Variants in GGT1 observed in about 807,000 individuals in gnomAD.
GGT1 encodes the protein glutathione hydrolase 1 proenzyme.
Under a neutral mutation model 56.0 loss-of-function variants are expected in GGT1, and 21 were observed. That is an observed-to-expected ratio of 0.38 (90% CI 0.27 to 0.54). The LOEUF is 0.54. Ranked by LOEUF, GGT1 falls within the 20% of genes least tolerant of loss-of-function variation. GGT1 has a pLI of 0.82. For synonymous variants in GGT1, 238 were observed against 342.6 expected (o/e 0.69, Z 3.37); for missense variants, 466 against 787.0 (o/e 0.59, Z 4.88).
In GGT1 at chr22:24,607,122, C is replaced by T. The variant is rs3895578; in HGVS notation, c.-428-832C>T. Among the ~76,000 whole-genome samples the T allele has an allele frequency of 9.2e-5, 14 of 152,314 alleles. No homozygotes were observed. In the South Asian group the frequency reaches 2.7e-3, roughly 29 times the overall value. ...GCTGGGCTCTGTGAGCTTGGGCCAG[C>T]TCAGGCCCTCTCTGGGCCCTGCCTT... is the stretch of plus-strand genomic sequence containing the variant. On this transcript the variant is annotated intron_variant, in intron 1 of 15. Coordinates refer to ENST00000400382, the MANE Select transcript of GGT1 (RefSeq NM_001288833.2).
At chr22:24,592,833 A>C, upstream of GGT1, 2 of 1,270,504 alleles carry the variant, frequency 1.6e-6, no homozygotes, top group South Asian at 4.7e-5. Context: ...CCTGGCCGCC[A>C]GCCCAGGGGC....
In GGT1 at chr22:24,610,280, A is replaced by C. The variant is rs2046575332; in HGVS notation, c.-259A>C. 3.3e-6 allele frequency: 1 copy of C among 302,318 alleles called. No individual in the cohort carries two copies. Among genetic ancestry groups the C allele is most frequent in the Admixed American group, 4.4e-5 (1 of 22,772 alleles). The allele number at this position is 302,318 out of a possible 1,614,324, so 18.7% of individuals were successfully genotyped here. A position where few individuals can be genotyped will look rare whatever the true frequency, so the allele number is the denominator to read the frequency against. Reference sequence around the variant, plus strand: ...AACTGGAGACAGAGAAACCAGCTAGAGGCAGAGGGAGGTAACACGGAGTCC... The same window carrying C: ...AACTGGAGACAGAGAAACCAGCTAGCGGCAGAGGGAGGTAACACGGAGTCC... On this transcript the variant is annotated 5_prime_UTR_variant, in exon 4 of 16. Transcript: ENST00000400382.
chr22:24,586,004 T>A, the GGT1 span: 1 of 1,610,848 alleles, frequency 6.2e-7, no homozygotes, highest in African/African-American at 1.3e-5. Flanking sequence ...CAGGCCCTCG[T>A]AGATGGTGGG....
intron 5 of GGT1, among the ~76,000 whole-genome samples, chr22:24,614,348 CAAAAAAAAAAAAAAAAA>C (rs534749815): frequency 9.3e-5 from 1 of 10,734 alleles, no homozygotes; most frequent in Non-Finnish European, 2.4e-4. Context: ...GACTTTGTCT[CAAAAAAAAAAAAAAAAA>C]AAAAAAAAAA....
the GGT1 span, among the ~76,000 whole-genome samples, chr22:24,584,152 G>A: frequency 6.6e-6 from 1 of 152,176 alleles, no homozygotes; most frequent in Non-Finnish European, 1.5e-5. Context: ...AGGGGCATAG[G>A]GAAACACTTC....
chr22:24,592,805 C>A (rs1056210020), upstream of GGT1: 16 of 1,249,196 alleles, frequency 1.3e-5, no homozygotes, highest in Non-Finnish European at 1.6e-5. Context: ...TCCCAGACCC[C>A]CAGACCCCCA....
Position 24,610,363 on chromosome 22 carries a change from C to A in GGT1, c.-176C>A, listed in dbSNP as rs888589498. On this transcript the variant is annotated 5_prime_UTR_variant, in exon 4 of 16. Coordinates refer to ENST00000400382, the MANE Select transcript of GGT1 (RefSeq NM_001288833.2). Reference sequence around the variant, plus strand: ...TAACCTCCCTTGACCTTCAGGAGAACGAGAAGGCTGCCTGATCAGAGAGTC... The same window carrying A: ...TAACCTCCCTTGACCTTCAGGAGAAAGAGAAGGCTGCCTGATCAGAGAGTC... The A allele has an allele frequency of 4.7e-6, 1 of 210,864 alleles. No individual in the cohort carries two copies. Among genetic ancestry groups the A allele is most frequent in the Non-Finnish European group, 9.7e-6 (1 of 103,094 alleles). 13.1% of individuals were successfully genotyped at this position (210,864 alleles called of 1,614,324 possible).
upstream of GGT1, chr22:24,592,358 T>C (rs1569039294): frequency 1.1e-5 from 5 of 470,768 alleles, 1 homozygote; most frequent in South Asian, 7.7e-5. Context: ...CATGGTGTCT[T>C]GGGGTGAGGC....
rs2047373447 is a variant in GGT1, at chr22:24,620,834, TC to T, written c.576-77del. 1 of 1,573,016 alleles carries T rather than the reference TC, an allele frequency of 6.4e-7. No individual in the cohort carries two copies. Among genetic ancestry groups the T allele is most frequent in the Admixed American group, 1.8e-5 (1 of 56,078 alleles). On this transcript the variant is annotated intron_variant, in intron 8 of 15. Coordinates refer to ENST00000400382, the MANE Select transcript of GGT1 (RefSeq NM_001288833.2). The surrounding 1 kb of genome is among the most constrained non-coding windows in gnomAD (Gnocchi z 5.6). Reference sequence around the variant, plus strand: ...GCGCTGCCCCTGTTCTGCTCCGTTCTCCTGTGTGGACGGGTGTGAGGGGTGG... The same window carrying T: ...GCGCTGCCCCTGTTCTGCTCCGTTCTCTGTGTGGACGGGTGTGAGGGGTGG...
intron 1 of GGT1, among the ~76,000 whole-genome samples, chr22:24,596,365 T>C (rs1430151826): frequency 6.6e-6 from 1 of 152,226 alleles, no homozygotes; most frequent in African/African-American, 2.4e-5. Flanking sequence ...CAGCTTCTGG[T>C]GGCTCCTGGC....
the GGT1 span, chr22:24,589,400 A>G: frequency 1.9e-6 from 2 of 1,072,450 alleles, no homozygotes; most frequent in Non-Finnish European, 2.3e-6. Flanking sequence ...AGACCTGCGG[A>G]CAGACGGGGG....
intron 11 of GGT1, among the ~76,000 whole-genome samples, chr22:24,626,807 G>A (rs1035004536): frequency 2.0e-5 from 3 of 151,232 alleles, no homozygotes; most frequent in African/African-American, 7.3e-5. Context: ...AGTTGTTATG[G>A]GACCTAGGAA....
At chr22:24,592,791 C>A (rs1337330164), upstream of GGT1, 18 of 1,264,954 alleles carry the variant, frequency 1.4e-5, no homozygotes, top group Middle Eastern at 6.3e-4. Context: ...CATAGCCCCG[C>A]GCCTCCCAGA....
upstream of GGT1, among the ~76,000 whole-genome samples, chr22:24,593,649 T>C (rs896897009): frequency 3.9e-5 from 6 of 151,916 alleles, no homozygotes; most frequent in Non-Finnish European, 8.8e-5. Context: ...TAGCCGGGCG[T>C]GGTGGCGGGC....
chr22:24,591,165 C>T (rs576591403), upstream of GGT1, among the ~76,000 whole-genome samples: 7 of 152,344 alleles, frequency 4.6e-5, no homozygotes, highest in East Asian at 3.9e-4. Context: ...CCGCAACCTC[C>T]GCCTCCCGGG....
chr22:24,628,210 T>C lies in GGT1; in HGVS notation c.1449+17T>C. ...ACTGCACTGGTATGTGTCACACCTT[T>C]TCTCCCTGGCCGTGCCCACCCTGCA... On this transcript the variant is annotated intron_variant, in intron 14 of 15. Coordinates refer to ENST00000400382, the MANE Select transcript of GGT1 (RefSeq NM_001288833.2). This position sits in a 1 kb window ranked among gnomAD's most constrained non-coding sequence, Gnocchi z 5.7. 7 of 1,612,032 alleles carry C rather than the reference T, an allele frequency of 4.3e-6. No individual in the cohort carries two copies. Among genetic ancestry groups the C allele is most frequent in the Non-Finnish European group, 5.9e-6 (7 of 1,179,848 alleles).
chr22:24,585,060 G>T, the GGT1 span, among the ~76,000 whole-genome samples: 1 of 152,112 alleles, frequency 6.6e-6, no homozygotes, highest in South Asian at 2.1e-4. Context: ...GACCCCCAGG[G>T]CCTGGAGGGA....
chr22:24,611,317 C>A, intron 5 of GGT1, 72 bp downstream of exon 5: 1 of 922,792 alleles, frequency 1.1e-6, no homozygotes, highest in South Asian at 1.4e-5. Flanking sequence ...CCTTCACCCC[C>A]CTGAGACTCA....
chr22:24,605,802 T>C (rs1173468604), intron 1 of GGT1, among the ~76,000 whole-genome samples: 2 of 73,382 alleles, frequency 2.7e-5, no homozygotes, highest in Non-Finnish European at 4.3e-5. Context: ...TAATATATGA[T>C]GTGTATTATA....
Sources: gnomAD v4.1 joint callset for allele counts (sites outside exome capture counted in the v4.1 genomes callset) on GRCh38, gnomAD v4.1.1 for gene constraint, Gnocchi (gnomAD v3.1) non-coding constraint, MANE v1.5 for transcripts, NCBI Gene and HGNC (gene_info 2026-07-23, HGNC 2026-07-21) for gene names.